POLR3B: variants seen among roughly 807,000 people sequenced by gnomAD.
The protein encoded by POLR3B is DNA-directed RNA polymerase III subunit RPC2.
Under a neutral mutation model 147.4 loss-of-function variants are expected in POLR3B, and 96 were observed. That is an observed-to-expected ratio of 0.65 (90% CI 0.55 to 0.77). The LOEUF (loss-of-function observed/expected upper bound fraction) is 0.77, where lower values mean the gene tolerates loss of function less well. POLR3B is among the 30% of genes least tolerant of loss of function. The pLI, the probability that POLR3B is intolerant of heterozygous loss-of-function variation, is 0.00. For missense variants in POLR3B, 1,036 were observed against 1,413.5 expected (o/e 0.73, Z 4.28); for synonymous variants, 461 against 485.9 (o/e 0.95, Z 0.67).
At chr12:106,460,297 A>G (rs2037917252) in intron 22 of POLR3B, among the ~76,000 whole-genome samples, 1 of 152,248 alleles carries the variant, frequency 6.6e-6, no homozygotes, top group South Asian at 2.1e-4. Flanking sequence ...TGTACCAGTT[A>G]CTGTTCTGGA....
intron 11 of POLR3B, among the ~76,000 whole-genome samples, chr12:106,408,782 T>C (rs745494972): frequency 2.0e-5 from 3 of 152,196 alleles, no homozygotes; most frequent in Non-Finnish European, 4.4e-5. Context: ...TACCTGCTGC[T>C]AGATTGAGAA....
intron 9 of POLR3B, among the ~76,000 whole-genome samples, chr12:106,384,331 T>TA (rs2136906837): frequency 6.6e-6 from 1 of 152,242 alleles, no homozygotes; most frequent in East Asian, 1.9e-4. Context: ...TCAAGCAAAA[T>TA]AAAAAAATAG....
chr12:106,357,894 G>A lies in POLR3B; in HGVS notation c.15G>A (p.Ala5=), dbSNP rs984736600. 1 of 1,613,650 alleles carries A rather than the reference G, an allele frequency of 6.2e-7. No homozygotes were observed. The highest frequency in any genetic ancestry group is 8.5e-7 in the Non-Finnish European group (1 of 1,179,972). Residue 5 remains alanine (A), a synonymous_variant, in exon 1 of 28, where the codon GCG becomes GCA. Transcript: ENST00000228347. MDVL[A]EEFGNLTPEQ... ...TCGTGAGCAGCATGGACGTGCTAGC[G>A]GAGGAGTTTGGGAACCTGACTCCGG...
chr12:106,391,480 C>T (rs1213307295), intron 9 of POLR3B, among the ~76,000 whole-genome samples: 1 of 152,104 alleles, frequency 6.6e-6, no homozygotes, highest in African/African-American at 2.4e-5. Context: ...CCAATGTTGG[C>T]CTAAAAGGGA....
At chr12:106,431,982 G>A (rs1034415062) in intron 14 of POLR3B, among the ~76,000 whole-genome samples, 2 of 152,120 alleles carry the variant, frequency 1.3e-5, no homozygotes, top group African/African-American at 4.8e-5. Flanking sequence ...TCATCATAAT[G>A]ACTGTAATGT....
intron 22 of POLR3B, among the ~76,000 whole-genome samples, chr12:106,461,403 T>C (rs148068448): frequency 1.3e-5 from 2 of 152,138 alleles, no homozygotes; most frequent in Non-Finnish European, 2.9e-5. Flanking sequence ...AAAATACTTT[T>C]TGAGCACTAA....
Position 106,423,019 on chromosome 12 carries a change from C to T in POLR3B, c.1102-4178C>T, listed in dbSNP as rs189605858. Among the ~76,000 whole-genome samples, 16 of 152,022 alleles carry T rather than the reference C, an allele frequency of 1.1e-4. No homozygotes were observed. In the East Asian group the frequency reaches 2.7e-3, roughly 26 times the overall value. On this transcript the variant is annotated intron_variant, in intron 12 of 27. Coordinates refer to ENST00000228347, the MANE Select transcript of POLR3B (RefSeq NM_018082.6). ...AATTTTATTCATGAGGGTCTTGCAC[C>T]TCTTTCAGATTTATTTCTAAGTTTT...
chr12:106,483,036 T>C (rs965608498), intron 23 of POLR3B, among the ~76,000 whole-genome samples: 2 of 152,186 alleles, frequency 1.3e-5, no homozygotes, highest in African/African-American at 4.8e-5. Flanking sequence ...CTAAAGCTTC[T>C]TCAGCCATAA....
Position 106,357,890 on chromosome 12 carries a change from T to G in POLR3B, c.11T>G (p.Leu4Arg). 6.2e-7 allele frequency: 1 copy of G among 1,613,694 alleles called. No individual in the cohort carries two copies. Among genetic ancestry groups the G allele is most frequent in the Non-Finnish European group, 8.5e-7 (1 of 1,179,984 alleles). Residue 4 changes from leucine to arginine, a missense_variant, in exon 1 of 28, where the codon CTA (leucine) becomes CGA (arginine). Transcript: ENST00000228347. The stretch of plus-strand genomic sequence containing the variant: ...TCCTTCGTGAGCAGCATGGACGTGC[T>G]AGCGGAGGAGTTTGGGAACCTGACT... MDV[L>R]AEEFGNLTPE... is the part of the protein sequence containing the mutation.
intron 23 of POLR3B, among the ~76,000 whole-genome samples, chr12:106,485,470 G>T (rs2038324362): frequency 1.3e-5 from 2 of 152,178 alleles, no homozygotes; most frequent in South Asian, 2.1e-4. Context: ...GGGCAAGGAA[G>T]GGGGCAGGGA....
Position 106,432,433 on chromosome 12 carries a change from G to T in POLR3B, c.1580G>T (p.Cys527Phe), listed in dbSNP as rs755422501. 4 of 1,613,274 alleles carry T rather than the reference G, an allele frequency of 2.5e-6. No homozygotes were observed. Among genetic ancestry groups the T allele is most frequent in the Non-Finnish European group, 3.4e-6 (4 of 1,179,214 alleles). ...NLGVEDVNLL[C>F]GEELSYPNVF... ...GGAGTAGAAGATGTGAATTTATTATGTGGGGAAGAGCTCTCTTACCCAAAT... is the reference window on the plus strand; with the variant it reads ...GGAGTAGAAGATGTGAATTTATTATTTGGGGAAGAGCTCTCTTACCCAAAT... The change falls in exon 15 of 28, where the codon TGT becomes TTT. Residue 527 changes from cysteine to phenylalanine, a missense_variant. Cys to Phe is a radical substitution (Grantham distance 205). Coordinates refer to ENST00000228347, the MANE Select transcript of POLR3B (RefSeq NM_018082.6).
chr12:106,498,168 G>A (rs2038527258), intron 25 of POLR3B, among the ~76,000 whole-genome samples: 1 of 152,238 alleles, frequency 6.6e-6, no homozygotes, highest in Admixed American at 6.5e-5. Context: ...GAGATAAAGG[G>A]TGAGAAGGAT....
intron 10 of POLR3B, among the ~76,000 whole-genome samples, chr12:106,399,767 A>G (rs1346777880): frequency 1.3e-5 from 2 of 152,174 alleles, no homozygotes; most frequent in Non-Finnish European, 2.9e-5. Flanking sequence ...CTTTACAGAC[A>G]AGCAAATGCT....
intron 21 of POLR3B, among the ~76,000 whole-genome samples, chr12:106,458,602 A>G (rs560970098): frequency 2.0e-5 from 3 of 152,266 alleles, no homozygotes; most frequent in African/African-American, 7.2e-5. Context: ...TGACTTTGTC[A>G]TGGTTGGCCT....
intron 23 of POLR3B, among the ~76,000 whole-genome samples, chr12:106,474,884 T>A (rs1814332302): frequency 6.6e-6 from 1 of 151,494 alleles, no homozygotes; most frequent in Non-Finnish European, 1.5e-5. Flanking sequence ...GCTCTGATTT[T>A]AGTTATTTCT....
chr12:106,431,586 C>T (rs2037510984), intron 14 of POLR3B, among the ~76,000 whole-genome samples: 1 of 152,072 alleles, frequency 6.6e-6, no homozygotes, highest in African/African-American at 2.4e-5. Context: ...TTTAGATATA[C>T]AAAAAAGTGA....
Position 106,509,805 on chromosome 12 carries a change from C to A in POLR3B, c.*256C>A. On this transcript the variant is annotated 3_prime_UTR_variant, in exon 28 of 28. Coordinates refer to ENST00000228347, the MANE Select transcript of POLR3B (RefSeq NM_018082.6). ...TGCTTGATTCACAGATGGATGTGACCTAAAGGATAAATAAGCTATTACTTA... is the reference window on the plus strand; with the variant it reads ...TGCTTGATTCACAGATGGATGTGACATAAAGGATAAATAAGCTATTACTTA... 4 of 413,290 alleles carry A rather than the reference C, an allele frequency of 9.7e-6. No individual in the cohort carries two copies. The Admixed American group carries it at 1.1e-4, about 11-fold the overall frequency. 25.6% of individuals were successfully genotyped at this position (413,290 alleles called of 1,614,324 possible).
chr12:106,501,102 C>G (rs1482059238), intron 25 of POLR3B, among the ~76,000 whole-genome samples: 2 of 152,188 alleles, frequency 1.3e-5, no homozygotes, highest in Non-Finnish European at 2.9e-5. Flanking sequence ...GTTTCCCAAC[C>G]TGTTTAAATG....
intron 23 of POLR3B, among the ~76,000 whole-genome samples, chr12:106,475,770 G>T (rs1389656223): frequency 8.7e-5 from 13 of 148,824 alleles, no homozygotes; most frequent in Non-Finnish European, 1.8e-4. Flanking sequence ...CTCTGCACAT[G>T]AGATGGGTTT....
Sources: gnomAD v4.1 joint callset for allele counts (sites outside exome capture counted in the v4.1 genomes callset) on GRCh38, gnomAD v4.1.1 for gene constraint, MANE v1.5 for transcripts, NCBI Gene and HGNC (gene_info 2026-07-23, HGNC 2026-07-21) for gene names.